CSMD3: variants seen among roughly 807,000 people sequenced by gnomAD.
The protein encoded by CSMD3 is CUB and Sushi multiple domains 3, also known as CUB and sushi domain-containing protein 3.
Under a neutral mutation model 435.2 loss-of-function variants are expected in CSMD3, and 177 were observed. That is an observed-to-expected ratio of 0.41 (90% CI 0.36 to 0.46). CSMD3 has a LOEUF of 0.46. Ranked by LOEUF, CSMD3 falls within the 20% of genes least tolerant of loss-of-function variation. CSMD3 has a pLI of 0.34. For missense variants in CSMD3, 4,265 were observed against 4,504.6 expected, an observed-to-expected ratio of 0.95 and a Z score of 1.52; for synonymous variants, 1,656 against 1,520.5, an observed-to-expected ratio of 1.09 and a Z score of -2.07.
At chr8:112,594,367 A>G (rs1329039668) in intron 22 of CSMD3, among the ~76,000 whole-genome samples, 1 of 151,984 alleles carries the variant, frequency 6.6e-6, no homozygotes, top group Non-Finnish European at 1.5e-5. Flanking sequence ...GGAGGGTCCT[A>G]CGCCCACAGA....
intron 9 of CSMD3, among the ~76,000 whole-genome samples, chr8:112,932,249 A>C (rs1237222284): frequency 6.6e-6 from 1 of 152,226 alleles, no homozygotes; most frequent in Non-Finnish European, 1.5e-5. Context: ...ATGGAATACT[A>C]TTCAATCACA....
chr8:112,430,071 T>G (rs555705276), intron 32 of CSMD3, among the ~76,000 whole-genome samples: 1 of 152,156 alleles, frequency 6.6e-6, no homozygotes, highest in Non-Finnish European at 1.5e-5. Context: ...ATGTATTTAA[T>G]TTTGTCCTAC....
chr8:113,142,989 T>C (rs1299013421), intron 4 of CSMD3, among the ~76,000 whole-genome samples: 1 of 149,150 alleles, frequency 6.7e-6, no homozygotes, highest in African/African-American at 2.5e-5. Flanking sequence ...TCAAAATGAG[T>C]CACTGACAAA....
chr8:112,947,546 ATT>A (rs2083654581), intron 9 of CSMD3, among the ~76,000 whole-genome samples: 1 of 151,636 alleles, frequency 6.6e-6, no homozygotes, highest in African/African-American at 2.4e-5. Flanking sequence ...AAATCCCATG[ATT>A]TTTCACTTAC....
intron 24 of CSMD3, among the ~76,000 whole-genome samples, chr8:112,564,871 G>A (rs1023915194): frequency 6.6e-6 from 1 of 152,032 alleles, no homozygotes; most frequent in African/African-American, 2.4e-5. Flanking sequence ...CTACCTTAAA[G>A]ACACAGCTTT....
At chr8:113,429,285 A>G (rs560311211) in intron 1 of CSMD3, among the ~76,000 whole-genome samples, 1 of 151,934 alleles carries the variant, frequency 6.6e-6, no homozygotes, top group African/African-American at 2.4e-5. Context: ...AAATGTAACT[A>G]GAGAGAATAC....
At chr8:112,389,036 G>A (rs1830194656) in intron 36 of CSMD3, among the ~76,000 whole-genome samples, 1 of 152,108 alleles carries the variant, frequency 6.6e-6, no homozygotes, top group Admixed American at 6.6e-5. Context: ...TCTATTAGGA[G>A]TCAGGGGAGG....
chr8:113,303,106 A>G (rs1431803434), intron 2 of CSMD3, among the ~76,000 whole-genome samples: 2 of 144,226 alleles, frequency 1.4e-5, no homozygotes, highest in African/African-American at 5.3e-5. Flanking sequence ...AAGCATTCTT[A>G]TACAACAACA....
chr8:113,287,052 T>C (rs1251052821), intron 2 of CSMD3, among the ~76,000 whole-genome samples: 2 of 152,052 alleles, frequency 1.3e-5, no homozygotes, highest in Admixed American at 1.3e-4. Context: ...GTAATTCATG[T>C]GAAATGATCT....
Position 112,451,387 on chromosome 8 carries a change from T to C in CSMD3, c.5395+21204A>G, listed in dbSNP as rs535178002. 5.3e-5 allele frequency among the ~76,000 whole-genome samples: 8 copies of C among 152,134 alleles called. No individual in the cohort carries two copies. The South Asian group carries it at 1.7e-3, about 32-fold the overall frequency. On this transcript the variant is annotated intron_variant, in intron 32 of 70. Transcript: ENST00000297405. ...ACATGAAATGAAAAAAAAGAAAAAA[T>C]AATAGAGCATTATTCTTGAAGGTTT... is the stretch of plus-strand genomic sequence containing the variant.
intron 10 of CSMD3, among the ~76,000 whole-genome samples, chr8:112,912,083 T>TTA (rs200787813): frequency 0.052 from 7,601 of 147,172 alleles, 326 homozygotes; most frequent in South Asian, 0.17. Context: ...TCAAGGAGTT[T>TTA]TATATATATA....
chr8:112,896,750 G>A (rs2130385508), intron 10 of CSMD3, among the ~76,000 whole-genome samples: 1 of 150,772 alleles, frequency 6.6e-6, no homozygotes, highest in East Asian at 2.0e-4. Context: ...CTTATATTTG[G>A]TTCCATTCCT....
chr8:113,032,599 G>A (rs1305680456), intron 5 of CSMD3, among the ~76,000 whole-genome samples: 1 of 151,504 alleles, frequency 6.6e-6, no homozygotes, highest in Non-Finnish European at 1.5e-5. Flanking sequence ...GTTTGAAATT[G>A]GAATTTACGT....
At chr8:112,725,022 A>G (rs561908372) in intron 13 of CSMD3, among the ~76,000 whole-genome samples, 69 of 152,184 alleles carry the variant, frequency 4.5e-4, no homozygotes, top group African/African-American at 1.5e-3. Flanking sequence ...GTTTGGAACA[A>G]TGGGTTTGGG....
Position 112,235,609 on chromosome 8 carries a change from A to C in CSMD3, c.10628-1132T>G, listed in dbSNP as rs372082477. 1.6e-3 allele frequency among the ~76,000 whole-genome samples: 242 copies of C among 152,244 alleles called. 6 individuals are homozygous for C. The South Asian group carries it at 0.048, about 30-fold the overall frequency. ...AAAAAATTGTTTAGGGAAATAACAG[A>C]AAATAGGATCTAAGAAAAAATCTGA... On this transcript the variant is annotated intron_variant, in intron 67 of 70. Coordinates refer to ENST00000297405, the MANE Select transcript of CSMD3 (RefSeq NM_198123.2).
chr8:112,571,302 C>T (rs2131291607), intron 24 of CSMD3, among the ~76,000 whole-genome samples: 1 of 152,206 alleles, frequency 6.6e-6, no homozygotes, highest in African/African-American at 2.4e-5. Flanking sequence ...CCACCAAGCC[C>T]AGCCAATTAA....
chr8:113,378,091 A>C (rs1482202009), intron 1 of CSMD3, among the ~76,000 whole-genome samples: 2 of 152,178 alleles, frequency 1.3e-5, no homozygotes, highest in East Asian at 3.8e-4. Context: ...TGAGATTAAT[A>C]ATAATAATAT....
At chr8:112,239,769 C>T (rs1321911216) in intron 66 of CSMD3, among the ~76,000 whole-genome samples, 1 of 151,988 alleles carries the variant, frequency 6.6e-6, no homozygotes, top group Non-Finnish European at 1.5e-5. Flanking sequence ...TAGTTATGCT[C>T]ACATTTTCTT....
intron 1 of CSMD3, among the ~76,000 whole-genome samples, chr8:113,400,884 T>A (rs147219064): frequency 1.3e-5 from 2 of 151,856 alleles, no homozygotes; most frequent in Non-Finnish European, 3.0e-5. Flanking sequence ...GGTTGGAGAG[T>A]ATTTATAATT....
Sources: allele counts gnomAD v4.1 joint callset (sites outside exome capture counted in the v4.1 genomes callset), GRCh38; gene constraint gnomAD v4.1.1; transcripts MANE v1.5; gene names NCBI Gene and HGNC (gene_info 2026-07-23, HGNC 2026-07-21).